DLG2: variants seen among roughly 807,000 people sequenced by gnomAD.
The protein encoded by DLG2 is disks large homolog 2.
DLG2 carries 45 observed loss-of-function variants against 132.5 expected under a neutral mutation model. The observed-to-expected ratio is 0.34, with a 90% CI of 0.27 to 0.44. The LOEUF is 0.44. Ranked by LOEUF, DLG2 falls within the 20% of genes least tolerant of loss-of-function variation. The probability of loss-of-function intolerance (pLI) is 1.00; values close to 1 mark genes in which losing one functional copy is unlikely to be tolerated. For synonymous variants in DLG2, 424 were observed against 419.6 expected, an observed-to-expected ratio of 1.01 and a Z score of -0.13; for missense variants, 1,045 against 1,196.9, an observed-to-expected ratio of 0.87 and a Z score of 1.87.
chr11:85,264,220 T>C (rs1190725482), intron 4 of DLG2, among the ~76,000 whole-genome samples: 1 of 152,112 alleles, frequency 6.6e-6, no homozygotes, highest in Non-Finnish European at 1.5e-5. Flanking sequence ...ATGCATCCAG[T>C]AGAGTAAGAA....
At chr11:84,856,038 C>T (rs1390580719) in intron 6 of DLG2, among the ~76,000 whole-genome samples, 1 of 151,972 alleles carries the variant, frequency 6.6e-6, no homozygotes, top group Admixed American at 6.6e-5. Context: ...CAGAGGGTTG[C>T]ATAAAAAATT....
chr11:85,116,894 G>C (rs1440702095), intron 5 of DLG2, among the ~76,000 whole-genome samples: 1 of 151,950 alleles, frequency 6.6e-6, no homozygotes, highest in African/African-American at 2.4e-5. Flanking sequence ...TTGAAGAGGG[G>C]TTGAGAAGTC....
chr11:84,992,579 T>C (rs1218083628), intron 6 of DLG2, among the ~76,000 whole-genome samples: 1 of 152,190 alleles, frequency 6.6e-6, no homozygotes, highest in East Asian at 1.9e-4. Flanking sequence ...TTTTTAATAA[T>C]AGCCATTCTA....
chr11:84,462,918 G>C (rs143825579), intron 7 of DLG2, among the ~76,000 whole-genome samples: 186 of 151,268 alleles, frequency 1.2e-3, no homozygotes, highest in African/African-American at 4.4e-3. Context: ...AATGATTTTT[G>C]AGTTTTACCA....
chr11:84,810,448 T>G (rs770676803), intron 6 of DLG2, among the ~76,000 whole-genome samples: 4 of 152,144 alleles, frequency 2.6e-5, no homozygotes, highest in African/African-American at 9.7e-5. Flanking sequence ...GAGACATCAC[T>G]ACATACAAAA....
At chr11:85,080,056 G>A (rs777710046) in intron 6 of DLG2, among the ~76,000 whole-genome samples, 3 of 152,086 alleles carry the variant, frequency 2.0e-5, no homozygotes, top group Admixed American at 6.6e-5. Context: ...AGCTATTTAG[G>A]CATCTATGTG....
At chr11:84,844,262 A>G (rs2081192033) in intron 6 of DLG2, among the ~76,000 whole-genome samples, 1 of 150,594 alleles carries the variant, frequency 6.6e-6, no homozygotes, top group Non-Finnish European at 1.5e-5. Context: ...ACTAGGGAAT[A>G]TATACACACA....
intron 4 of DLG2, among the ~76,000 whole-genome samples, chr11:85,195,651 G>A (rs1390942845): frequency 6.6e-6 from 1 of 151,700 alleles, no homozygotes; most frequent in African/African-American, 2.4e-5. Flanking sequence ...AGCCTCCCGA[G>A]TAGCTGGGAC....
intron 15 of DLG2, 107 bp from the exon 16 acceptor site, chr11:83,874,595 GT>G: frequency 1.4e-6 from 1 of 736,876 alleles, no homozygotes; most frequent in Non-Finnish European, 2.0e-6. Context: ...GTGCAGGTTA[GT>G]TACATATGTA....
rs2152257195 is a variant in DLG2 at position 85,097,933 on chromosome 11, A to G, written c.357+13728T>C. Among the ~76,000 whole-genome samples the G allele has an allele frequency of 2.0e-5, 3 of 152,338 alleles. No homozygotes were observed. In the South Asian group the frequency reaches 6.2e-4, roughly 32 times the overall value. ...TTAGGGGTAGAGTAGAATTAGTTGC[A>G]TCATTTGTTTGACTTAATATGTTAT... On this transcript the variant is annotated intron_variant, in intron 6 of 27. Transcript: ENST00000376104.
At chr11:83,721,262 A>G (rs767534195) in intron 18 of DLG2, among the ~76,000 whole-genome samples, 1 of 152,170 alleles carries the variant, frequency 6.6e-6, no homozygotes, top group Non-Finnish European at 1.5e-5. Context: ...GACCCTTACT[A>G]TTGAGTAACT....
intron 2 of DLG2, among the ~76,000 whole-genome samples, chr11:85,626,024 T>C (rs1203918850): frequency 6.6e-6 from 1 of 152,282 alleles, no homozygotes; most frequent in Non-Finnish European, 1.5e-5. Flanking sequence ...ACAATCATGT[T>C]ATTGGATAAT....
At chr11:85,165,553 T>C (rs921637808) in intron 4 of DLG2, among the ~76,000 whole-genome samples, 5 of 152,194 alleles carry the variant, frequency 3.3e-5, no homozygotes, top group African/African-American at 4.8e-5. Context: ...ATGACCAGTC[T>C]GCTTTTTATT....
intron 19 of DLG2, among the ~76,000 whole-genome samples, chr11:83,562,392 T>C (rs1254495639): frequency 6.6e-6 from 1 of 152,104 alleles, no homozygotes; most frequent in Non-Finnish European, 1.5e-5. Context: ...ATGTCATAAC[T>C]GACCCTGTGA....
chr11:83,733,591 A>G (rs73509302), intron 18 of DLG2, among the ~76,000 whole-genome samples: 2,124 of 152,300 alleles, frequency 0.014, 58 homozygotes, highest in African/African-American at 0.049. Flanking sequence ...ATGTCTTGTT[A>G]CTTCGGTAGC....
chr11:85,380,490 T>A (rs991566298), intron 3 of DLG2, among the ~76,000 whole-genome samples: 1 of 152,150 alleles, frequency 6.6e-6, no homozygotes, highest in Non-Finnish European at 1.5e-5. Context: ...AGAAACCCTG[T>A]CTCTACTAAA....
At chr11:83,559,778 T>C (rs1340623065) in intron 19 of DLG2, among the ~76,000 whole-genome samples, 1 of 152,210 alleles carries the variant, frequency 6.6e-6, no homozygotes, top group Admixed American at 6.5e-5. Context: ...CCAAGCTGTT[T>C]GCTTTTAGCA....
chr11:84,096,254 TTGTG>T (rs143242289), intron 10 of DLG2, among the ~76,000 whole-genome samples: 1 of 150,296 alleles, frequency 6.7e-6, no homozygotes, highest in Non-Finnish European at 1.5e-5. Context: ...AAGTAGAAGA[TTGTG>T]TGTGTGTGTG....
intron 6 of DLG2, among the ~76,000 whole-genome samples, chr11:84,991,697 G>A (rs1298049216): frequency 1.3e-5 from 2 of 152,230 alleles, no homozygotes; most frequent in East Asian, 1.9e-4. Flanking sequence ...GTATCCTGGT[G>A]CTGATATTGT....
Sources: allele counts gnomAD v4.1 joint callset (sites outside exome capture counted in the v4.1 genomes callset), GRCh38; gene constraint gnomAD v4.1.1; transcripts MANE v1.5; gene names NCBI Gene and HGNC (gene_info 2026-07-23, HGNC 2026-07-21).